The following EPHA5 variants were observed in gnomAD, a reference collection of about 807,000 sequenced individuals.
EPHA5 encodes ephrin type-A receptor 5.
Under a neutral mutation model 105.0 loss-of-function variants are expected in EPHA5, and 60 were observed. That is an observed-to-expected ratio of 0.57 (90% CI 0.46 to 0.71). EPHA5 has a LOEUF of 0.71. Ranked by LOEUF, EPHA5 falls within the 30% of genes least tolerant of loss-of-function variation. The pLI is 0.00. For missense variants in EPHA5, 1,218 were observed against 1,274.7 expected (o/e 0.96, Z 0.68); for synonymous variants, 513 against 449.1 (o/e 1.14, Z -1.80).
intron 5 of EPHA5, among the ~76,000 whole-genome samples, chr4:65,465,318 C>G (rs145206758): frequency 6.6e-5 from 10 of 151,752 alleles, no homozygotes; most frequent in Admixed American, 5.9e-4. Flanking sequence ...CACCTGTAAT[C>G]CCAGGTACTA....
chr4:65,468,566 T>A (rs1383899039), intron 5 of EPHA5, among the ~76,000 whole-genome samples: 39 of 122,036 alleles, frequency 3.2e-4, no homozygotes, highest in African/African-American at 1.2e-3. Flanking sequence ...ATATTATATA[T>A]TATATATATA....
intron 3 of EPHA5, among the ~76,000 whole-genome samples, chr4:65,502,075 A>G (rs1732543615): frequency 6.6e-6 from 1 of 151,650 alleles, no homozygotes. Context: ...CTAAACCCCT[A>G]CATTTTACTA....
At chr4:65,340,951 C>T (rs1447260695) in intron 14 of EPHA5, among the ~76,000 whole-genome samples, 2 of 152,100 alleles carry the variant, frequency 1.3e-5, no homozygotes, top group South Asian at 4.1e-4. Flanking sequence ...TTTAGAACGG[C>T]ATTTCTACTC....
intron 1 of EPHA5, among the ~76,000 whole-genome samples, chr4:65,668,833 G>A (rs1750192505): frequency 6.6e-6 from 1 of 151,832 alleles, no homozygotes; most frequent in Non-Finnish European, 1.5e-5. Flanking sequence ...CAACTTCCTA[G>A]CAGCGACACT....
At chr4:65,577,214 G>C (rs1448159297) in intron 3 of EPHA5, among the ~76,000 whole-genome samples, 1 of 151,780 alleles carries the variant, frequency 6.6e-6, no homozygotes, top group Admixed American at 6.6e-5. Context: ...TTTCTTTACG[G>C]GTGCACTTTA....
chr4:65,642,248 T>C (rs953908420), intron 2 of EPHA5, among the ~76,000 whole-genome samples: 3 of 152,074 alleles, frequency 2.0e-5, no homozygotes, highest in Non-Finnish European at 4.4e-5. Context: ...AATATCTGTA[T>C]AGGTTCTCAT....
chr4:65,565,622 C>A (rs1158439389), intron 3 of EPHA5, among the ~76,000 whole-genome samples: 1 of 150,692 alleles, frequency 6.6e-6, no homozygotes, highest in Non-Finnish European at 1.5e-5. Context: ...TAATATTCTG[C>A]TTTCAGCAAA....
intron 3 of EPHA5, among the ~76,000 whole-genome samples, chr4:65,522,397 A>G (rs1385837681): frequency 7.9e-5 from 12 of 150,990 alleles, no homozygotes; most frequent in South Asian, 6.2e-4. Context: ...ATTTTCATCT[A>G]TCTTTCATAC....
chr4:65,349,801 G>A (rs1427998622), intron 13 of EPHA5, among the ~76,000 whole-genome samples: 1 of 152,090 alleles, frequency 6.6e-6, no homozygotes, highest in African/African-American at 2.4e-5. Flanking sequence ...TCCTAGCTAT[G>A]CATAGATATT....
intron 8 of EPHA5, among the ~76,000 whole-genome samples, chr4:65,370,620 C>T (rs188199396): frequency 6.0e-4 from 91 of 152,090 alleles, no homozygotes; most frequent in Admixed American, 1.3e-3. Context: ...ATAAGCCTCA[C>T]GGATATTTAA....
intron 3 of EPHA5, among the ~76,000 whole-genome samples, chr4:65,553,422 T>C (rs1738109667): frequency 6.6e-6 from 1 of 152,080 alleles, no homozygotes; most frequent in South Asian, 2.1e-4. Context: ...CATTTTTTTT[T>C]CTAAACTTCT....
At chr4:65,515,946 C>T (rs1734067378) in intron 3 of EPHA5, among the ~76,000 whole-genome samples, 1 of 152,152 alleles carries the variant, frequency 6.6e-6, no homozygotes, top group Non-Finnish European at 1.5e-5. Context: ...TTCTCCTGCC[C>T]TTGGACATCA....
intron 1 of EPHA5, among the ~76,000 whole-genome samples, chr4:65,650,652 A>G (rs777595161): frequency 1.3e-5 from 2 of 151,788 alleles, no homozygotes; most frequent in Non-Finnish European, 2.9e-5. Flanking sequence ...ACATTGAATC[A>G]TTGACCAAAT....
At chr4:65,546,485 TAAC>T (rs1737383709) in intron 3 of EPHA5, among the ~76,000 whole-genome samples, 1 of 152,078 alleles carries the variant, frequency 6.6e-6, no homozygotes, top group Non-Finnish European at 1.5e-5. Flanking sequence ...TTCTGCCTAT[TAAC>T]AACCTATTTT....
At chr4:65,432,659 C>G (rs1725091506) in intron 5 of EPHA5, among the ~76,000 whole-genome samples, 1 of 151,884 alleles carries the variant, frequency 6.6e-6, no homozygotes, top group Admixed American at 6.6e-5. Context: ...CCTTGAACTC[C>G]TGGTTTCAAG....
chr4:65,518,001 T>C (rs1734274063), intron 3 of EPHA5, among the ~76,000 whole-genome samples: 1 of 151,944 alleles, frequency 6.6e-6, no homozygotes, highest in Admixed American at 6.6e-5. Context: ...AATTTTTGAG[T>C]TTTAGAAATA....
Position 65,390,403 on chromosome 4 carries a change from C to T in EPHA5, c.1793+13971G>A, listed in dbSNP as rs112284435. 1.3e-3 allele frequency among the ~76,000 whole-genome samples: 194 copies of T among 152,158 alleles called. 1 individual carries two copies. Among genetic ancestry groups the T allele is most frequent in the African/African-American group, 3.8e-3 (158 of 41,550 alleles). On this transcript the variant is annotated intron_variant, in intron 8 of 16. Coordinates refer to ENST00000613740, the MANE Select transcript of EPHA5 (RefSeq NM_001281766.3). ...CAACAAAGGCTCACTCCTAGACTTTCCCCTCACTCCTGTCTTCTTCCTCCT... is the reference window on the plus strand; with the variant it reads ...CAACAAAGGCTCACTCCTAGACTTTTCCCTCACTCCTGTCTTCTTCCTCCT...
intron 14 of EPHA5, among the ~76,000 whole-genome samples, chr4:65,347,290 CATG>C (rs1316965421): frequency 6.6e-6 from 1 of 152,118 alleles, no homozygotes; most frequent in African/African-American, 2.4e-5. Context: ...GTGTATGTCT[CATG>C]ATAAGGGCTC....
At chr4:65,532,967 C>T (rs1735959916) in intron 3 of EPHA5, among the ~76,000 whole-genome samples, 4 of 152,248 alleles carry the variant, frequency 2.6e-5, no homozygotes, top group African/African-American at 7.2e-5. Context: ...GTAGCACAGT[C>T]ATGCTTCCAT....
Sources: allele counts gnomAD v4.1 joint callset (sites outside exome capture counted in the v4.1 genomes callset), GRCh38; gene constraint gnomAD v4.1.1; transcripts MANE v1.5; gene names NCBI Gene and HGNC (gene_info 2026-07-23, HGNC 2026-07-21).